RBFOX1: variants seen among roughly 807,000 people sequenced by gnomAD.
The protein encoded by RBFOX1 is RNA binding fox-1 homolog 1.
A neutral mutation model predicts 57.7 loss-of-function variants in RBFOX1; 8 were observed. That is an observed-to-expected ratio of 0.14 (90% CI 0.08 to 0.25). The LOEUF (loss-of-function observed/expected upper bound fraction) is 0.25, where lower values mean the gene tolerates loss of function less well. Ranked by LOEUF, RBFOX1 falls within the 10% of genes least tolerant of loss-of-function variation. RBFOX1 has a pLI of 1.00. For synonymous variants in RBFOX1, 326 were observed against 222.4 expected, an observed-to-expected ratio of 1.47 and a Z score of -4.15; for missense variants, 611 against 548.5, an observed-to-expected ratio of 1.11 and a Z score of -1.14.
chr16:5,601,935 A>T (rs1436050286), downstream of RBFOX1, among the ~76,000 whole-genome samples: 1 of 152,130 alleles, frequency 6.6e-6, no homozygotes, highest in Non-Finnish European at 1.5e-5. Context: ...TCACTCATGG[A>T]GGCTGATGTG....
chr16:7,484,122 C>G (rs1241238811), intron 4 of RBFOX1, among the ~76,000 whole-genome samples: 1 of 152,108 alleles, frequency 6.6e-6, no homozygotes, highest in Non-Finnish European at 1.5e-5. Context: ...TTTCCCTGAG[C>G]ATAAAGTTTT....
chr16:5,889,299 C>G (rs765723633), intron 4 of RBFOX1, among the ~76,000 whole-genome samples: 12 of 152,168 alleles, frequency 7.9e-5, no homozygotes, highest in Non-Finnish European at 1.3e-4. Flanking sequence ...TCAGCTCCCC[C>G]TTATAAGTGA....
chr16:6,874,096 G>A (rs2061410715), intron 3 of RBFOX1: 2 of 152,272 alleles, frequency 1.3e-5, no homozygotes, highest in South Asian at 4.1e-4. Flanking sequence ...CATGTTTATA[G>A]CAGCACAATT....
chr16:7,207,085 A>G (rs1038724407), intron 4 of RBFOX1, among the ~76,000 whole-genome samples: 4 of 152,170 alleles, frequency 2.6e-5, no homozygotes, highest in African/African-American at 9.7e-5. Flanking sequence ...GTGCTTTTGT[A>G]CAGTTGGTAA....
At chr16:6,819,311 G>C (rs11865240) in intron 3 of RBFOX1, among the ~76,000 whole-genome samples, 4 of 151,972 alleles carry the variant, frequency 2.6e-5, no homozygotes, top group South Asian at 4.1e-4. Context: ...TGCTCACTTA[G>C]GTTTGAATTA....
At chr16:6,599,454 C>G (rs771021726) in intron 2 of RBFOX1, among the ~76,000 whole-genome samples, 14 of 152,196 alleles carry the variant, frequency 9.2e-5, no homozygotes, top group Non-Finnish European at 1.6e-4. Context: ...ATAAGAATAA[C>G]AAGGACGCTT....
chr16:5,492,156 T>C (rs2042856214), intron 2 of RBFOX1, among the ~76,000 whole-genome samples: 1 of 152,202 alleles, frequency 6.6e-6, no homozygotes, highest in Non-Finnish European at 1.5e-5. Flanking sequence ...CTCCAGGACA[T>C]GCTGGTGCAT....
chr16:7,100,366 T>TCC (rs201320892), intron 4 of RBFOX1, among the ~76,000 whole-genome samples: 6 of 152,002 alleles, frequency 3.9e-5, no homozygotes, highest in Non-Finnish European at 8.8e-5. Context: ...AGAATCTGAC[T>TCC]CCCCCCAGCC....
intron 1 of RBFOX1, among the ~76,000 whole-genome samples, chr16:6,092,100 C>T (rs975170511): frequency 6.6e-6 from 1 of 152,192 alleles, no homozygotes; most frequent in Non-Finnish European, 1.5e-5. Context: ...CCACATTCTC[C>T]TCTCTATTTT....
chr16:5,963,062 A>G (rs1195259602), intron 4 of RBFOX1, among the ~76,000 whole-genome samples: 1 of 152,164 alleles, frequency 6.6e-6, no homozygotes, highest in Non-Finnish European at 1.5e-5. Flanking sequence ...CCTGATCGTA[A>G]TATGTGAGTT....
At chr16:5,361,428 C>T (rs933144680) in intron 1 of RBFOX1, among the ~76,000 whole-genome samples, 2 of 152,084 alleles carry the variant, frequency 1.3e-5, no homozygotes, top group African/African-American at 4.8e-5. Flanking sequence ...GTTTTTTTGA[C>T]CATTTTATTT....
intron 4 of RBFOX1, among the ~76,000 whole-genome samples, chr16:7,472,477 C>G (rs878887196): frequency 1.3e-5 from 2 of 152,130 alleles, no homozygotes; most frequent in East Asian, 1.9e-4. Flanking sequence ...TGTTATGAAA[C>G]TTGCAAAGAA....
In RBFOX1 at chr16:5,642,920, C is replaced by T. The variant is rs75540066; in HGVS notation, c.318+43959C>T. Among the ~76,000 whole-genome samples the T allele has an allele frequency of 7.4e-3, 1,120 of 152,312 alleles. 13 individuals carry two copies. The highest frequency in any genetic ancestry group is 0.026 in the African/African-American group (1,066 of 41,564). On this transcript the variant is annotated intron_variant, in intron 3 of 19. Coordinates refer to the RBFOX1 transcript ENST00000641259. ...TAGGCTCCTTGCCTTTCTCACCTGT[C>T]AATGCCCGCTCACCCACCTGGTATT...
intron 1 of RBFOX1, among the ~76,000 whole-genome samples, chr16:5,392,930 T>C (rs965602755): frequency 2.6e-5 from 4 of 152,156 alleles, no homozygotes; most frequent in African/African-American, 9.7e-5. Flanking sequence ...ATGGGTCAGA[T>C]GGTACTCATT....
chr16:7,034,499 C>G (rs990846152), intron 3 of RBFOX1, among the ~76,000 whole-genome samples: 1 of 152,082 alleles, frequency 6.6e-6, no homozygotes. Flanking sequence ...GACCATCTAT[C>G]TCTAGGGCAC....
rs150329764 is a variant in RBFOX1, at chr16:6,493,124, C to G, written c.-63-161479C>G. 2.3e-4 allele frequency among the ~76,000 whole-genome samples: 35 copies of G among 152,270 alleles called. No individual in the cohort carries two copies. The East Asian group carries it at 5.4e-3, about 24-fold the overall frequency. On this transcript the variant is annotated intron_variant, in intron 2 of 15. Coordinates refer to ENST00000550418, the MANE Select transcript of RBFOX1 (RefSeq NM_018723.4). ...AACCTGTGATCACTTTACCCCTGAG[C>G]TGATACAGGTCAGCTTAGATACCAA...
chr16:7,254,000 G>A (rs1388655614), intron 4 of RBFOX1, among the ~76,000 whole-genome samples: 1 of 152,144 alleles, frequency 6.6e-6, no homozygotes, highest in Non-Finnish European at 1.5e-5. Context: ...ATACGTTATG[G>A]TGTTAGCAGG....
At chr16:5,618,916 G>T (rs12929386) in intron 3 of RBFOX1, among the ~76,000 whole-genome samples, 24,350 of 152,140 alleles carry the variant, frequency 0.16, 2,320 homozygotes, top group East Asian at 0.32. Flanking sequence ...GGGATCTGGA[G>T]AGCTCCAGGT....
chr16:7,172,958 C>G (rs980702180), intron 4 of RBFOX1, among the ~76,000 whole-genome samples: 2 of 152,122 alleles, frequency 1.3e-5, no homozygotes, highest in Non-Finnish European at 2.9e-5. Flanking sequence ...AATTTGCCCC[C>G]TCAGTATGGT....
Sources: gnomAD v4.1 joint callset for allele counts (sites outside exome capture counted in the v4.1 genomes callset) on GRCh38, gnomAD v4.1.1 for gene constraint, MANE v1.5 for transcripts, NCBI Gene and HGNC (gene_info 2026-07-23, HGNC 2026-07-21) for gene names.